Variants in CEP104 observed in about 807,000 individuals in gnomAD.
CEP104 encodes centrosomal protein of 104 kDa.
CEP104 carries 84 observed loss-of-function variants against 113.3 expected under a neutral mutation model. The observed-to-expected ratio is 0.74, with a 90% CI of 0.62 to 0.89. CEP104 has a LOEUF of 0.89. Ranked by LOEUF, CEP104 falls within the 40% of genes least tolerant of loss-of-function variation. CEP104 has a pLI of 0.00. For missense variants in CEP104, 1,053 were observed against 1,156.6 expected (o/e 0.91, Z 1.30); for synonymous variants, 378 against 421.7 (o/e 0.90, Z 1.27).
chr1:3,829,551 C>T (rs1166566852), intron 14 of CEP104, 178 bp from the exon 15 acceptor site: 5 of 661,958 alleles, frequency 7.6e-6, no homozygotes, highest in South Asian at 4.0e-5. Context: ...TAGATAAACC[C>T]ACTGTGTCCT....
chr1:3,820,157 G>C (rs1643943159), intron 20 of CEP104, among the ~76,000 whole-genome samples: 1 of 152,158 alleles, frequency 6.6e-6, no homozygotes, highest in Non-Finnish European at 1.5e-5. Flanking sequence ...CCTGGTGACA[G>C]CCTTACAGGT....
rs995958268 is a variant in CEP104, at chr1:3,812,234, T to C, written c.*3168A>G. 1 of 152,192 alleles carries C rather than the reference T, an allele frequency of 6.6e-6. No homozygotes were observed. The highest frequency in any genetic ancestry group is 1.5e-5 in the Non-Finnish European group (1 of 68,028). 9.4% of individuals were successfully genotyped at this position (152,192 alleles called of 1,614,324 possible). ...AAAACTATGTTAAAATATTAAAAAG[T>C]TGCAAAATTTCATTAAAAACATTTA... On this transcript the variant is annotated 3_prime_UTR_variant, in exon 22 of 22. Transcript: ENST00000378230.
chr1:3,852,774 A>C (rs1288276481), intron 1 of CEP104, among the ~76,000 whole-genome samples: 1 of 152,222 alleles, frequency 6.6e-6, no homozygotes, highest in African/African-American at 2.4e-5. Context: ...GATCTAGTTA[A>C]AATGAGGTCC....
intron 1 of CEP104, chr1:3,855,971 G>A: frequency 2.0e-6 from 2 of 984,786 alleles, no homozygotes; most frequent in Non-Finnish European, 2.4e-6. Context: ...ACTCCATGGC[G>A]GTCTCATCCC....
intron 20 of CEP104, among the ~76,000 whole-genome samples, chr1:3,820,331 G>T (rs879340026): frequency 3.9e-5 from 6 of 152,338 alleles, no homozygotes; most frequent in East Asian, 3.9e-4. Flanking sequence ...ACAAGTAAAG[G>T]TAACAACTCG....
chr1:3,836,492 T>TTTTC lies in CEP104; in HGVS notation c.1317+2_1317+3insGAAA. The TTTTC allele has an allele frequency of 6.5e-7, 1 of 1,543,054 alleles. No homozygotes were observed. Among genetic ancestry groups the TTTTC allele is most frequent in the Admixed American group, 2.0e-5 (1 of 49,216 alleles). On this transcript the variant is annotated splice_region_variant and intron_variant, in intron 10 of 21. Coordinates refer to ENST00000378230, the MANE Select transcript of CEP104 (RefSeq NM_014704.4). ...CGTTTTTTTTTTTTTTTTTTTTTTTTACCAAGGTTTCTCCCAACACATCGA... is the reference window on the plus strand; with the variant it reads ...CGTTTTTTTTTTTTTTTTTTTTTTTTTTTCACCAAGGTTTCTCCCAACACATCGA...
intron 18 of CEP104, among the ~76,000 whole-genome samples, chr1:3,824,179 C>T (rs1234552422): frequency 2.0e-5 from 3 of 151,074 alleles, no homozygotes; most frequent in East Asian, 2.0e-4. Context: ...CTCTGCCTCC[C>T]GGGTTCAAGT....
chr1:3,844,059 C>G (rs550330992), intron 6 of CEP104, among the ~76,000 whole-genome samples: 149 of 152,202 alleles, frequency 9.8e-4, no homozygotes, highest in Admixed American at 2.0e-3. Context: ...CTGCACCCGG[C>G]AAAATTGTGT....
intron 20 of CEP104, among the ~76,000 whole-genome samples, chr1:3,820,115 A>G (rs1166937706): frequency 6.6e-6 from 1 of 152,122 alleles, no homozygotes; most frequent in Non-Finnish European, 1.5e-5. Flanking sequence ...AGATAATGAG[A>G]TACAGGGAAA....
rs2124635712 is a variant in CEP104, at chr1:3,819,454, T to C, written c.2572-3084A>G. 6.6e-6 allele frequency among the ~76,000 whole-genome samples: 1 copy of C among 152,292 alleles called. No individual in the cohort carries two copies. The highest frequency in any genetic ancestry group is 1.9e-4 in the East Asian group (1 of 5,188). On this transcript the variant is annotated intron_variant, in intron 20 of 21. Coordinates refer to ENST00000378230, the MANE Select transcript of CEP104 (RefSeq NM_014704.4). The surrounding 1 kb of genome is among the most constrained non-coding windows in gnomAD (Gnocchi z 4.6). ...GTCCACGGGGAGAGGCTGTGCAGACTAGATCTCCATGAAGCTGTTAAAAAC... is the reference window on the plus strand; with the variant it reads ...GTCCACGGGGAGAGGCTGTGCAGACCAGATCTCCATGAAGCTGTTAAAAAC...
chr1:3,840,305 C>T (rs1039807071), intron 6 of CEP104, among the ~76,000 whole-genome samples: 51 of 152,096 alleles, frequency 3.4e-4, no homozygotes, highest in African/African-American at 1.0e-3. Context: ...GGCGCAATCT[C>T]GGCTCACTGC....
chr1:3,839,197 A>G, intron 7 of CEP104, 78 bp from the exon 8 acceptor site: 1 of 1,295,422 alleles, frequency 7.7e-7, no homozygotes, highest in South Asian at 1.2e-5. Context: ...TTTAAGAATC[A>G]CGCGTGAACC....
At chr1:3,826,776 A>G in intron 15 of CEP104, 32 bp from the exon 16 acceptor site, 2 of 1,607,538 alleles carry the variant, frequency 1.2e-6, no homozygotes, top group South Asian at 1.1e-5. Context: ...GTCAGGGGCA[A>G]AGGGCTGCAG....
intron 1 of CEP104, among the ~76,000 whole-genome samples, chr1:3,852,792 G>C (rs921450870): frequency 2.0e-5 from 3 of 152,174 alleles, no homozygotes; most frequent in Non-Finnish European, 4.4e-5. Flanking sequence ...TCCTCGGGGT[G>C]GGCCCAATGC....
intron 16 of CEP104, 91 bp downstream of exon 16, chr1:3,826,617 C>A: frequency 6.8e-7 from 1 of 1,469,488 alleles, no homozygotes; most frequent in Non-Finnish European, 9.5e-7. Context: ...TGGACAGAAG[C>A]CGTTCCCACA....
intron 6 of CEP104, among the ~76,000 whole-genome samples, chr1:3,844,024 G>A (rs1384338678): frequency 6.6e-6 from 1 of 152,146 alleles, no homozygotes; most frequent in Non-Finnish European, 1.5e-5. Flanking sequence ...GCCTCCCAAA[G>A]TGCTGGGATT....
chr1:3,835,059 G>C lies in CEP104; in HGVS notation c.1351C>G (p.Arg451Gly). The change falls in exon 11 of 22, where the codon CGA (arginine) becomes GGA (glycine). Residue 451 changes from arginine (R) to glycine (G), a missense_variant. By Grantham distance (125) the Arg-to-Gly change is moderately radical. Coordinates refer to ENST00000378230, the MANE Select transcript of CEP104 (RefSeq NM_014704.4). ...GACAAGGCAAGCAGTGCATCCTCTC[G>C]GTAGGACCACGTCTTACAATAGGCC... is the stretch of plus-strand genomic sequence containing the variant. ...AEAYCKTWSY[R>G]EDALLALSKK... 2 of 1,613,810 alleles carry C rather than the reference G, an allele frequency of 1.2e-6. No homozygotes were observed. The highest frequency in any genetic ancestry group is 1.1e-5 in the South Asian group (1 of 90,998).
intron 12 of CEP104, among the ~76,000 whole-genome samples, chr1:3,832,576 A>T (rs1644237778): frequency 6.6e-6 from 1 of 152,200 alleles, no homozygotes; most frequent in Non-Finnish European, 1.5e-5. Context: ...GCATGACAGC[A>T]TTTCTTCTTA....
chr1:3,852,503 T>G (rs1224525349), intron 1 of CEP104, 82 bp from the exon 2 acceptor site: 3 of 1,254,594 alleles, frequency 2.4e-6, no homozygotes, highest in African/African-American at 1.5e-5. Flanking sequence ...GTTCATGCCT[T>G]GCTAACACAC....
Sources: allele counts gnomAD v4.1 joint callset (sites outside exome capture counted in the v4.1 genomes callset), GRCh38; gene constraint gnomAD v4.1.1; non-coding constraint Gnocchi (gnomAD v3.1); transcripts MANE v1.5; gene names NCBI Gene and HGNC (gene_info 2026-07-23, HGNC 2026-07-21).